PHF21A: variants seen among roughly 807,000 people sequenced by gnomAD.
PHF21A encodes the protein PHD finger protein 21A.
In PHF21A, 11 loss-of-function variants were observed where a neutral mutation model predicts 82.5. That is an observed-to-expected ratio of 0.13 (90% CI 0.08 to 0.22). PHF21A has a LOEUF of 0.22. Among genes scored for constraint, PHF21A ranks in the 10% least tolerant of loss-of-function variants. The pLI, the probability that PHF21A is intolerant of heterozygous loss-of-function variation, is 1.00. For missense variants in PHF21A, 579 were observed against 837.8 expected (o/e 0.69, Z 3.81); for synonymous variants, 297 against 302.8 (o/e 0.98, Z 0.20).
intron 16 of PHF21A, among the ~76,000 whole-genome samples, chr11:45,937,285 T>C (rs2135091764): frequency 6.6e-6 from 1 of 152,246 alleles, no homozygotes; most frequent in Non-Finnish European, 1.5e-5. Flanking sequence ...CAGCTTATAA[T>C]AAAATCATAA....
At chr11:46,099,029 T>G (rs921333260) in intron 1 of PHF21A, among the ~76,000 whole-genome samples, 2 of 152,090 alleles carry the variant, frequency 1.3e-5, no homozygotes, top group Admixed American at 1.3e-4. Flanking sequence ...TACCAGATTT[T>G]AAAAATAAAC....
chr11:46,094,040 T>C (rs2096960432), intron 1 of PHF21A, among the ~76,000 whole-genome samples: 1 of 152,186 alleles, frequency 6.6e-6, no homozygotes, highest in Admixed American at 6.5e-5. Context: ...GAGGTGATAA[T>C]TATATTACGT....
chr11:46,081,445 G>A (rs954326601), intron 4 of PHF21A, among the ~76,000 whole-genome samples: 6 of 152,168 alleles, frequency 3.9e-5, no homozygotes, highest in African/African-American at 1.4e-4. Context: ...TGGCTACTAC[G>A]CTGTAACGTT....
intron 6 of PHF21A, among the ~76,000 whole-genome samples, chr11:46,051,529 TA>T (rs1293763730): frequency 6.6e-6 from 1 of 152,142 alleles, no homozygotes; most frequent in Non-Finnish European, 1.5e-5. Flanking sequence ...TGAAATTGCC[TA>T]AGGAAACCTC....
chr11:46,076,941 A>C, intron 5 of PHF21A, 122 bp from the exon 6 acceptor site: 1 of 731,302 alleles, frequency 1.4e-6, no homozygotes, highest in Non-Finnish European at 2.4e-6. Flanking sequence ...AGCCAATCAA[A>C]TCTGTCATGC....
chr11:46,068,872 A>T (rs1994599), intron 6 of PHF21A, among the ~76,000 whole-genome samples: 5 of 152,272 alleles, frequency 3.3e-5, no homozygotes, highest in African/African-American at 1.2e-4. Flanking sequence ...TGGTACAAGT[A>T]ACCAACTGAC....
chr11:45,967,420 G>A (rs1177400623), intron 9 of PHF21A, among the ~76,000 whole-genome samples: 1 of 152,050 alleles, frequency 6.6e-6, no homozygotes, highest in South Asian at 2.1e-4. Context: ...ATGGGCTTGA[G>A]GGGACCCCAT....
intron 10 of PHF21A, among the ~76,000 whole-genome samples, chr11:45,956,374 G>A (rs920420974): frequency 1.4e-4 from 21 of 152,140 alleles, no homozygotes; most frequent in African/African-American, 5.1e-4. Context: ...CAATGTATAA[G>A]ATATAATTTG....
intron 9 of PHF21A, among the ~76,000 whole-genome samples, chr11:45,969,455 C>T (rs753660283): frequency 6.6e-6 from 1 of 152,172 alleles, no homozygotes; most frequent in Admixed American, 6.5e-5. Flanking sequence ...TGTTTCCTTC[C>T]CTACTCTTTT....
intron 14 of PHF21A, among the ~76,000 whole-genome samples, chr11:45,948,338 G>T (rs1378308134): frequency 6.6e-6 from 1 of 152,216 alleles, no homozygotes; most frequent in African/African-American, 2.4e-5. Context: ...TTAGGAATCT[G>T]TTCTTTAGGG....
At chr11:45,934,323 A>G in intron 18 of PHF21A, 98 bp from the exon 19 acceptor site, 1 of 1,245,644 alleles carries the variant, frequency 8.0e-7, no homozygotes, top group Non-Finnish European at 1.1e-6. Flanking sequence ...CCCAGGGAGA[A>G]GAAGCTCTGC....
In PHF21A at chr11:45,976,439, A is replaced by G. The variant is rs192662841; in HGVS notation, c.360+3321T>C. Among the ~76,000 whole-genome samples the G allele has an allele frequency of 6.6e-5, 10 of 152,322 alleles. No individual in the cohort carries two copies. In the East Asian group the frequency reaches 1.9e-3, roughly 29 times the overall value. On this transcript the variant is annotated intron_variant, in intron 7 of 18. Transcript: ENST00000676320. ...CTTGCACACAGTAGGAACTCCACAA[A>G]TATTTACAGAATGAATAAAAATTAT...
intron 6 of PHF21A, among the ~76,000 whole-genome samples, chr11:45,981,173 G>A (rs1591552481): frequency 1.3e-5 from 2 of 151,866 alleles, no homozygotes; most frequent in East Asian, 3.9e-4. Context: ...ATCACTTGAG[G>A]TCAGGAGTTC....
Position 46,080,839 on chromosome 11 carries a change from T to G in PHF21A, c.55-1673A>C, listed in dbSNP as rs2096782951. ...CACACCACCATATCCAGCATTTTTT[T>G]TTTTTTAAGAGATGAGGTCTCACTA... On this transcript the variant is annotated intron_variant, in intron 4 of 18. Coordinates refer to ENST00000676320, the MANE Select transcript of PHF21A (RefSeq NM_001352027.3). 3.3e-5 allele frequency among the ~76,000 whole-genome samples: 5 copies of G among 152,024 alleles called. No homozygotes were observed. The South Asian group carries it at 1.0e-3, about 32-fold the overall frequency.
At chr11:45,934,294 G>A (rs2088236634) in intron 18 of PHF21A, 69 bp from the exon 19 acceptor site, 2 of 1,476,948 alleles carry the variant, frequency 1.4e-6, no homozygotes, top group South Asian at 2.5e-5. Flanking sequence ...GCCCCTAAGA[G>A]CAGAGCGCCT....
intron 6 of PHF21A, among the ~76,000 whole-genome samples, chr11:46,024,565 C>T (rs1013903795): frequency 3.9e-5 from 6 of 151,916 alleles, no homozygotes; most frequent in African/African-American, 1.2e-4. Context: ...TTTGGGAGGC[C>T]GAGGCAGGTG....
intron 6 of PHF21A, among the ~76,000 whole-genome samples, chr11:46,039,715 G>A (rs2096085333): frequency 6.6e-6 from 1 of 152,128 alleles, no homozygotes; most frequent in Non-Finnish European, 1.5e-5. Flanking sequence ...AAGACAAAAG[G>A]TCAATATTAT....
chr11:46,116,482 T>A (rs758750469), intron 1 of PHF21A: 1 of 151,444 alleles, frequency 6.6e-6, no homozygotes, highest in Non-Finnish European at 1.5e-5. Context: ...TCAACTACTA[T>A]CACATCACAT....
At chr11:46,054,477 G>A (rs573394699) in intron 6 of PHF21A, among the ~76,000 whole-genome samples, 1 of 152,108 alleles carries the variant, frequency 6.6e-6, no homozygotes, top group Non-Finnish European at 1.5e-5. Context: ...ATGCCTGGGC[G>A]CCATTCTCGA....
Sources: gnomAD v4.1 joint callset for allele counts (sites outside exome capture counted in the v4.1 genomes callset) on GRCh38, gnomAD v4.1.1 for gene constraint, MANE v1.5 for transcripts, NCBI Gene and HGNC (gene_info 2026-07-23, HGNC 2026-07-21) for gene names.